Variants in PLEKHG3 observed in about 807,000 individuals in gnomAD.
PLEKHG3 encodes the protein pleckstrin homology domain-containing family G member 3.
Under a neutral mutation model 94.9 loss-of-function variants are expected in PLEKHG3, and 62 were observed. The observed-to-expected ratio is 0.65, with a 90% CI of 0.53 to 0.81. PLEKHG3 has a LOEUF of 0.81. Ranked by LOEUF, PLEKHG3 falls within the 30% of genes least tolerant of loss-of-function variation. The pLI is 0.00. For synonymous variants in PLEKHG3, 614 were observed against 654.0 expected (o/e 0.94, Z 0.93); for missense variants, 1,461 against 1,619.3 (o/e 0.90, Z 1.68).
chr14:64,737,951 G>GGAGGAA (rs1356265351), intron 14 of PLEKHG3: 4 of 1,235,604 alleles, frequency 3.2e-6, no homozygotes, highest in Non-Finnish European at 4.1e-6. Context: ...CTACCCAGGA[G>GGAGGAA]GAGGAAGAGG....
intron 1 of PLEKHG3, among the ~76,000 whole-genome samples, chr14:64,724,787 C>G (rs748333850): frequency 6.6e-6 from 1 of 152,188 alleles, no homozygotes; most frequent in African/African-American, 2.4e-5. Flanking sequence ...ATTAGGGAGG[C>G]AGTGGGCAGG....
chr14:64,741,464 G>A lies in PLEKHG3; in HGVS notation c.1947G>A (p.Lys649=), dbSNP rs1392800975. 1.2e-6 allele frequency: 2 copies of A among 1,612,752 alleles called. No individual in the cohort carries two copies. Among genetic ancestry groups the A allele is most frequent in the South Asian group, 2.2e-5 (2 of 91,086 alleles). ...SSVLSLEGSE[K]GLARHGSATD... is the part of the protein sequence containing the mutation. The stretch of plus-strand genomic sequence containing the variant: ...TGCTCAGCCTGGAGGGCAGCGAGAA[G>A]GGCCTGGCCCGGCATGGCAGTGCCA... The change falls in exon 16 of 17, where the codon AAG becomes AAA. Residue 649 remains lysine, a synonymous_variant. Coordinates refer to ENST00000247226, the MANE Select transcript of PLEKHG3 (RefSeq NM_001308147.2).
chr14:64,736,950 G>A, intron 13 of PLEKHG3, 59 bp downstream of exon 13: 2 of 1,325,468 alleles, frequency 1.5e-6, no homozygotes, highest in South Asian at 1.2e-5. Flanking sequence ...GGGAGGAGGG[G>A]AAGCAGCCGA....
Position 64,726,269 on chromosome 14 carries a change from A to G in PLEKHG3, c.-39-1324A>G, listed in dbSNP as rs1178999550. 6.6e-6 allele frequency among the ~76,000 whole-genome samples: 1 copy of G among 152,062 alleles called. No homozygotes were observed. Among genetic ancestry groups the G allele is most frequent in the Non-Finnish European group, 1.5e-5 (1 of 68,002 alleles). On this transcript the variant is annotated intron_variant, in intron 1 of 16. Coordinates refer to ENST00000247226, the MANE Select transcript of PLEKHG3 (RefSeq NM_001308147.2). This position sits in a 1 kb window ranked among gnomAD's most constrained non-coding sequence, Gnocchi z 5.1. The stretch of plus-strand genomic sequence containing the variant: ...GTCAGTGTCAAGGGTTCCCAGAGTA[A>G]TGGCAGCTTCTAGATTCTTCTCCTT...
At chr14:64,724,079 T>C (rs866029322) in intron 1 of PLEKHG3, among the ~76,000 whole-genome samples, 1 of 151,922 alleles carries the variant, frequency 6.6e-6, no homozygotes, top group Non-Finnish European at 1.5e-5. Context: ...TCTTATAGTA[T>C]GGAGTGGTGC....
rs2081471699 is a variant in PLEKHG3, at chr14:64,731,767, C to T, written c.1086C>T (p.Val362=). The change falls in exon 9 of 17, where the codon GTC becomes GTT. Residue 362 remains valine (V), a synonymous_variant. Coordinates refer to ENST00000247226, the MANE Select transcript of PLEKHG3 (RefSeq NM_001308147.2). This position sits in a 1 kb window ranked among gnomAD's most constrained non-coding sequence, Gnocchi z 6.1. ...CCAGAGACTCCCTGTGCTTCACTGT[C>T]ACCCACTACAAGCACAGCAAGCAGC... The part of the protein sequence containing the change: ...ESTRDSLCFT[V]THYKHSKQQY... 6.2e-7 allele frequency: 1 copy of T among 1,613,594 alleles called. No homozygotes were observed. The highest frequency in any genetic ancestry group is 1.3e-5 in the African/African-American group (1 of 74,872).
Position 64,732,828 on chromosome 14 carries a change from A to G in PLEKHG3, c.1272A>G (p.Pro424=). The stretch of plus-strand genomic sequence containing the variant: ...ATCCCAATCGGTACCGCTGCAGCCC[A>G]GAGCGGCTGAAGAAGGCTTGGTCCT... The part of the protein sequence containing the change: ...SYYPNRYRCS[P]ERLKKAWSSQ... The change falls in exon 12 of 17, where the codon CCA becomes CCG. Residue 424 remains proline, a synonymous_variant. Coordinates refer to ENST00000247226, the MANE Select transcript of PLEKHG3 (RefSeq NM_001308147.2). This position sits in a 1 kb window ranked among gnomAD's most constrained non-coding sequence, Gnocchi z 4.9. The G allele has an allele frequency of 1.9e-6, 3 of 1,609,966 alleles. No homozygotes were observed. Among genetic ancestry groups the G allele is most frequent in the Non-Finnish European group, 2.5e-6 (3 of 1,178,560 alleles).
Position 64,730,752 on chromosome 14 carries a change from C to T in PLEKHG3, c.567-47C>T. 1.2e-6 allele frequency: 2 copies of T among 1,612,452 alleles called. No homozygotes were observed. The highest frequency in any genetic ancestry group is 1.7e-6 in the Non-Finnish European group (2 of 1,178,664). On this transcript the variant is annotated intron_variant, in intron 5 of 16. Coordinates refer to ENST00000247226, the MANE Select transcript of PLEKHG3 (RefSeq NM_001308147.2). The surrounding 1 kb of genome is among the most constrained non-coding windows in gnomAD (Gnocchi z 5.4). ...GTGAGTCCAGAGCCCCCCACTTCCT[C>T]ATCCAGGCCTTCCCCAGGTGGTGAC...
In PLEKHG3 at chr14:64,732,978, C is replaced by A; in HGVS notation, c.1345+77C>A. On this transcript the variant is annotated intron_variant, in intron 12 of 16. Coordinates refer to ENST00000247226, the MANE Select transcript of PLEKHG3 (RefSeq NM_001308147.2). The surrounding 1 kb of genome is among the most constrained non-coding windows in gnomAD (Gnocchi z 4.9). ...GACTGGGGACCGTCTGCGGCAGTGT[C>A]CAGGGCTGTGGCTCTCACCTCTGCG... 1.1e-6 allele frequency: 1 copy of A among 918,186 alleles called. No individual in the cohort carries two copies. The highest frequency in any genetic ancestry group is 1.4e-5 in the South Asian group (1 of 69,004). The allele number at this position is 918,186 out of a possible 1,614,324, so 56.9% of individuals were successfully genotyped here. A position where few individuals can be genotyped will look rare whatever the true frequency, so the allele number is the denominator to read the frequency against.
rs1424631722 is a variant in PLEKHG3 at position 64,733,046 on chromosome 14, G to A, written c.1345+145G>A. The A allele has an allele frequency of 5.1e-6, 3 of 592,434 alleles. No individual in the cohort carries two copies. In the East Asian group the frequency reaches 8.7e-5, roughly 17 times the overall value. The allele number at this position is 592,434 out of a possible 1,614,324, so 36.7% of individuals were successfully genotyped here. A position where few individuals can be genotyped will look rare whatever the true frequency, so the allele number is the denominator to read the frequency against. The stretch of plus-strand genomic sequence containing the variant: ...TAGAGCGGGGCTGGACACACACCTG[G>A]GGCTCATCCTCTCCCTGTGCTGGTG... On this transcript the variant is annotated intron_variant, in intron 12 of 16. Transcript: ENST00000247226.
rs1285133630 is a variant in PLEKHG3 at position 64,738,044 on chromosome 14, G to A, written c.1404+669G>A. 5 of 1,293,628 alleles carry A rather than the reference G, an allele frequency of 3.9e-6. No homozygotes were observed. Among genetic ancestry groups the A allele is most frequent in the Non-Finnish European group, 5.0e-6 (5 of 991,676 alleles). 80.1% of individuals were successfully genotyped at this position (1,293,628 alleles called of 1,614,324 possible). A position where few individuals can be genotyped will look rare whatever the true frequency, so the allele number is the denominator to read the frequency against. ...AGGTCTCTCTGGAGGACCTGACAGG[G>A]CATGAAGGCAACGAGAAGGGGGCTG... On this transcript the variant is annotated intron_variant, in intron 14 of 16. Transcript: ENST00000247226. This position sits in a 1 kb window ranked among gnomAD's most constrained non-coding sequence, Gnocchi z 4.8.
rs1047532807 is a variant in PLEKHG3, at chr14:64,729,715, G to A, written c.450-528G>A. On this transcript the variant is annotated intron_variant, in intron 3 of 16. Transcript: ENST00000247226. ...AAGATGGGCAGAGGGAGCTCTGGCT[G>A]TGTAAGCTGGAGAAGTCTGGGAGGG... Among the ~76,000 whole-genome samples the A allele has an allele frequency of 2.0e-5, 3 of 152,182 alleles. No homozygotes were observed. In the East Asian group the frequency reaches 5.8e-4, roughly 29 times the overall value.
rs1304273322 is a variant in PLEKHG3, at chr14:64,723,379, G to A, written c.-39-4214G>A. Among the ~76,000 whole-genome samples the A allele has an allele frequency of 6.6e-6, 1 of 152,122 alleles. No individual in the cohort carries two copies. The highest frequency in any genetic ancestry group is 1.5e-5 in the Non-Finnish European group (1 of 68,020). ...CTTGAGGTCGAGGCTGCAATGAGCTGTGATTGCACCACTGCACTCCAGCCT... is the reference window on the plus strand; with the variant it reads ...CTTGAGGTCGAGGCTGCAATGAGCTATGATTGCACCACTGCACTCCAGCCT... On this transcript the variant is annotated intron_variant, in intron 1 of 16. Coordinates refer to ENST00000247226, the MANE Select transcript of PLEKHG3 (RefSeq NM_001308147.2). The surrounding 1 kb of genome is among the most constrained non-coding windows in gnomAD (Gnocchi z 4.5).
chr14:64,739,703 T>A lies in PLEKHG3; in HGVS notation c.1518+848T>A, dbSNP rs147812025. ...ATGCCAGCAGACCCTGGGGAGGGCT[T>A]GCCCTCTGCTTCGTAGATGGTGGCT... is the stretch of plus-strand genomic sequence containing the variant. On this transcript the variant is annotated intron_variant, in intron 15 of 16. Transcript: ENST00000247226. The surrounding 1 kb of genome is among the most constrained non-coding windows in gnomAD (Gnocchi z 4.1). Among the ~76,000 whole-genome samples the A allele has an allele frequency of 1.3e-3, 198 of 152,366 alleles. 1 individual carries two copies. The highest frequency in any genetic ancestry group is 4.6e-3 in the African/African-American group (190 of 41,584).
At position 64,741,713 on chromosome 14, in the gene PLEKHG3, A is replaced by C. The variant is rs1412948800; in HGVS notation, c.2196A>C (p.Ala732=). 1.2e-6 allele frequency: 2 copies of C among 1,612,996 alleles called. No individual in the cohort carries two copies. Among genetic ancestry groups the C allele is most frequent in the East Asian group, 4.5e-5 (2 of 44,890 alleles). The change falls in exon 16 of 17, where the codon GCA becomes GCC. Residue 732 remains alanine, a synonymous_variant. Coordinates refer to ENST00000247226, the MANE Select transcript of PLEKHG3 (RefSeq NM_001308147.2). The part of the protein sequence containing the change: ...SYYENAEHHD[A]GFSVRRRESL... The stretch of plus-strand genomic sequence containing the variant: ...ATGAAAATGCAGAACACCATGATGC[A>C]GGCTTCAGCGTCCGTCGCCGGGAGA...
rs1311456468 is a variant in PLEKHG3 at position 64,738,977 on chromosome 14, C to T, written c.1518+122C>T. On this transcript the variant is annotated intron_variant, in intron 15 of 16. Transcript: ENST00000247226. The surrounding 1 kb of genome is among the most constrained non-coding windows in gnomAD (Gnocchi z 4.8). The stretch of plus-strand genomic sequence containing the variant: ...TGGGCCCATGGGAACAGAGATTCCC[C>T]ACCTCCCAGGACTCTCAGCCCTGCA... The T allele has an allele frequency of 1.4e-4, 96 of 680,926 alleles. 1 individual carries two copies. The highest frequency in any genetic ancestry group is 1.6e-5 in the Non-Finnish European group (6 of 376,516). 42.2% of individuals were successfully genotyped at this position (680,926 alleles called of 1,614,324 possible). A position where few individuals can be genotyped will look rare whatever the true frequency, so the allele number is the denominator to read the frequency against.
At position 64,737,464 on chromosome 14, in the gene PLEKHG3, T is replaced by G; in HGVS notation, c.1404+89T>G. 1.3e-5 allele frequency: 11 copies of G among 864,436 alleles called. No individual in the cohort carries two copies. The South Asian group carries it at 2.0e-4, about 15-fold the overall frequency. 53.5% of individuals were successfully genotyped at this position (864,436 alleles called of 1,614,324 possible). A position where few individuals can be genotyped will look rare whatever the true frequency, so the allele number is the denominator to read the frequency against. On this transcript the variant is annotated intron_variant, in intron 14 of 16. Coordinates refer to ENST00000247226, the MANE Select transcript of PLEKHG3 (RefSeq NM_001308147.2). The stretch of plus-strand genomic sequence containing the variant: ...CCGGCCCCTTCAGCCCTCATTGTCT[T>G]CATTCATTCAACAAATGCCTACTAA...
rs1594676105 is a variant in PLEKHG3, at chr14:64,722,522, G to A, written c.-39-5071G>A. Among the ~76,000 whole-genome samples the A allele has an allele frequency of 1.3e-5, 2 of 152,252 alleles. No homozygotes were observed. Among genetic ancestry groups the A allele is most frequent in the South Asian group, 2.1e-4 (1 of 4,826 alleles). On this transcript the variant is annotated intron_variant, in intron 1 of 16. Coordinates refer to ENST00000247226, the MANE Select transcript of PLEKHG3 (RefSeq NM_001308147.2). This position sits in a 1 kb window ranked among gnomAD's most constrained non-coding sequence, Gnocchi z 4.3. ...GGCGTGAGCCACTGCGCCTGGCCAC[G>A]AGGACTTTCCCTGTGTGCAGGTGCC... is the stretch of plus-strand genomic sequence containing the variant.
Position 64,732,689 on chromosome 14 carries a change from C to T in PLEKHG3, c.1247-114C>T. On this transcript the variant is annotated intron_variant, in intron 11 of 16. Coordinates refer to ENST00000247226, the MANE Select transcript of PLEKHG3 (RefSeq NM_001308147.2). This position sits in a 1 kb window ranked among gnomAD's most constrained non-coding sequence, Gnocchi z 4.9. ...TGGAAGATGGAGGGAGCTCTGGAGG[C>T]TCCTGGCCCTGGAGCTGGGTGGGTA... 1 of 824,366 alleles carries T rather than the reference C, an allele frequency of 1.2e-6. No homozygotes were observed. Among genetic ancestry groups the T allele is most frequent in the South Asian group, 1.7e-5 (1 of 59,850 alleles). The allele number at this position is 824,366 out of a possible 1,614,324, so 51.1% of individuals were successfully genotyped here.
Sources: gnomAD v4.1 joint callset for allele counts (sites outside exome capture counted in the v4.1 genomes callset) on GRCh38, gnomAD v4.1.1 for gene constraint, Gnocchi (gnomAD v3.1) non-coding constraint, MANE v1.5 for transcripts, NCBI Gene and HGNC (gene_info 2026-07-23, HGNC 2026-07-21) for gene names.